SH3BP5: variants seen among roughly 807,000 people sequenced by gnomAD.
The protein encoded by SH3BP5 is SH3 domain binding protein 5, also known as SH3 domain-binding protein 5.
SH3BP5 carries 22 observed loss-of-function variants against 43.3 expected under a neutral mutation model. That is an observed-to-expected ratio of 0.51 (90% CI 0.36 to 0.73). SH3BP5 has a LOEUF of 0.73. SH3BP5 is among the 30% of genes least tolerant of loss of function. The probability of loss-of-function intolerance (pLI) is 0.00; values close to 1 mark genes in which losing one functional copy is unlikely to be tolerated. For synonymous variants in SH3BP5, 255 were observed against 225.8 expected, an observed-to-expected ratio of 1.13 and a Z score of -1.16; for missense variants, 529 against 586.9, an observed-to-expected ratio of 0.90 and a Z score of 1.02.
chr3:15,298,351 T>G (rs1436247191), intron 3 of SH3BP5, among the ~76,000 whole-genome samples: 1 of 152,232 alleles, frequency 6.6e-6, no homozygotes, highest in African/African-American at 2.4e-5. Context: ...GAGGTGAGCC[T>G]ACAAGTCACT....
At chr3:15,299,343 T>C (rs1697664289) in intron 3 of SH3BP5, among the ~76,000 whole-genome samples, 3 of 152,192 alleles carry the variant, frequency 2.0e-5, no homozygotes, top group Admixed American at 2.0e-4. Flanking sequence ...CTACCTCTGC[T>C]TGGCAGAAAT....
chr3:15,265,242 G>A (rs1488044554), intron 4 of SH3BP5, among the ~76,000 whole-genome samples: 3 of 152,096 alleles, frequency 2.0e-5, no homozygotes, highest in Admixed American at 1.3e-4. Flanking sequence ...AGCCAGGTGC[G>A]ATGGGGCTCA....
chr3:15,321,515 CT>C (rs34363123), intron 2 of SH3BP5, among the ~76,000 whole-genome samples: 5,477 of 143,580 alleles, frequency 0.038, 88 homozygotes, highest in South Asian at 0.11. Flanking sequence ...CTTATAAAGA[CT>C]TTTTTTTTTT....
intron 2 of SH3BP5, among the ~76,000 whole-genome samples, chr3:15,311,707 C>T (rs569044668): frequency 6.6e-6 from 1 of 152,254 alleles, no homozygotes; most frequent in African/African-American, 2.4e-5. Flanking sequence ...CAGGATCTCT[C>T]TCTGTTACCC....
At chr3:15,326,107 C>T (rs530947844) in intron 2 of SH3BP5, among the ~76,000 whole-genome samples, 1 of 152,284 alleles carries the variant, frequency 6.6e-6, no homozygotes, top group East Asian at 1.9e-4. Flanking sequence ...TCCAAGGGCT[C>T]TCTGGTTAAA....
At chr3:15,256,631 CAT>C (rs1696211227) in intron 8 of SH3BP5, 2 of 607,514 alleles carry the variant, frequency 3.3e-6, no homozygotes, top group Admixed American at 6.2e-5. Context: ...TGATGTGAGA[CAT>C]AGGACCTAAG....
At chr3:15,294,953 T>C (rs370732897) in intron 3 of SH3BP5, among the ~76,000 whole-genome samples, 118 of 152,284 alleles carry the variant, frequency 7.7e-4, no homozygotes, top group African/African-American at 2.7e-3. Flanking sequence ...ATATCTGCAC[T>C]GACCCCTCCC....
At chr3:15,278,400 G>A (rs1457081001) in intron 3 of SH3BP5, among the ~76,000 whole-genome samples, 1 of 152,168 alleles carries the variant, frequency 6.6e-6, no homozygotes, top group East Asian at 1.9e-4. Flanking sequence ...TATTAAAGCC[G>A]TGGTTTTCTG....
intron 3 of SH3BP5, among the ~76,000 whole-genome samples, chr3:15,270,956 A>G (rs554717071): frequency 5.9e-5 from 9 of 151,758 alleles, no homozygotes; most frequent in Admixed American, 5.3e-4. Flanking sequence ...ATTAATCCCA[A>G]TTGAATGTAA....
chr3:15,279,906 C>T (rs1697073933), intron 3 of SH3BP5, among the ~76,000 whole-genome samples: 1 of 152,148 alleles, frequency 6.6e-6, no homozygotes, highest in Non-Finnish European at 1.5e-5. Flanking sequence ...GAGGGCTTCC[C>T]ATTGCACTCA....
Position 15,332,401 on chromosome 3 carries a change from GC to G in SH3BP5, c.7del (p.Ala3ArgfsTer3). 1 of 1,535,068 alleles carries G rather than the reference GC, an allele frequency of 6.5e-7. No individual in the cohort carries two copies. Among genetic ancestry groups the G allele is most frequent in the Non-Finnish European group, 8.7e-7 (1 of 1,146,096 alleles). MD[A>X]ALKRSRSEEP... ...CTCCGAGCGGCTCCGCTTCAGTGCC[GC>G]GTCCATGCAGGCAGCCGGCACGCGC... On this transcript the variant is annotated frameshift_variant, in exon 1 of 9. Transcript: ENST00000383791. LOFTEE classifies it high-confidence loss of function.
At chr3:15,278,407 T>G (rs528813470) in intron 3 of SH3BP5, among the ~76,000 whole-genome samples, 1 of 152,322 alleles carries the variant, frequency 6.6e-6, no homozygotes, top group East Asian at 1.9e-4. Flanking sequence ...GCCGTGGTTT[T>G]CTGCCTATAT....
At chr3:15,272,720 G>GATAAAGACATATTACAAA (rs1173079973) in intron 3 of SH3BP5, among the ~76,000 whole-genome samples, 1 of 151,454 alleles carries the variant, frequency 6.6e-6, no homozygotes, top group East Asian at 1.9e-4. Flanking sequence ...GTGCCTGTAG[G>GATAAAGACATATTACAAA]AGATTCGATG....
At chr3:15,294,290 A>AGTGTGTGTGTGTGTGT (rs10522979) in intron 3 of SH3BP5, among the ~76,000 whole-genome samples, 1 of 138,234 alleles carries the variant, frequency 7.2e-6, no homozygotes, top group African/African-American at 2.7e-5. Flanking sequence ...TGCAAAAGTA[A>AGTGTGTGTGTGTGTGT]GTGTGTGTGT....
chr3:15,290,080 C>A lies in SH3BP5; in HGVS notation c.330+14023G>T, dbSNP rs187307458. 1.1e-3 allele frequency among the ~76,000 whole-genome samples: 171 copies of A among 152,276 alleles called. 1 individual carries two copies. The highest frequency in any genetic ancestry group is 6.0e-3 in the Admixed American group (92 of 15,286). ...GGGGCTGACAGTGAATTGATGAGCA[C>A]AGGGCATCTTTTTTTACTTCCATTT... On this transcript the variant is annotated intron_variant, in intron 3 of 8. Coordinates refer to ENST00000383791, the MANE Select transcript of SH3BP5 (RefSeq NM_004844.5).
intron 3 of SH3BP5, among the ~76,000 whole-genome samples, chr3:15,279,718 G>C (rs1164679742): frequency 6.6e-6 from 1 of 152,056 alleles, no homozygotes; most frequent in Non-Finnish European, 1.5e-5. Flanking sequence ...TTTCTGGCAA[G>C]ACAATCCCTA....
rs1698641324 is a variant in SH3BP5 at position 15,332,523 on chromosome 3, C to T, written c.-115G>A. On this transcript the variant is annotated 5_prime_UTR_variant, in exon 1 of 9. Coordinates refer to ENST00000383791, the MANE Select transcript of SH3BP5 (RefSeq NM_004844.5). ...CAGCCGGGCACGGTCGGGGAGCCGCCGGGGCCGACACCCGGGAGACGCAGC... is the reference window on the plus strand; with the variant it reads ...CAGCCGGGCACGGTCGGGGAGCCGCTGGGGCCGACACCCGGGAGACGCAGC... The T allele has an allele frequency of 4.0e-6, 5 of 1,252,636 alleles. No individual in the cohort carries two copies. In the South Asian group the frequency reaches 1.2e-4, roughly 31 times the overall value. The allele number at this position is 1,252,636 out of a possible 1,614,324, so 77.6% of individuals were successfully genotyped here.
chr3:15,327,366 CT>C (rs1215420205), intron 2 of SH3BP5, among the ~76,000 whole-genome samples: 3 of 152,288 alleles, frequency 2.0e-5, no homozygotes, highest in Middle Eastern at 3.4e-3. Context: ...CGCCATTGCA[CT>C]CCAGCCTGGG....
At chr3:15,307,251 C>T (rs901956857) in intron 2 of SH3BP5, among the ~76,000 whole-genome samples, 1 of 152,100 alleles carries the variant, frequency 6.6e-6, no homozygotes, top group African/African-American at 2.4e-5. Context: ...CTTATCAGAC[C>T]AGGCTTAGGG....
Sources: allele counts gnomAD v4.1 joint callset (sites outside exome capture counted in the v4.1 genomes callset), GRCh38; gene constraint gnomAD v4.1.1; transcripts MANE v1.5; gene names NCBI Gene and HGNC (gene_info 2026-07-23, HGNC 2026-07-21).